The following NRXN3 variants were observed in gnomAD, a reference collection of about 807,000 sequenced individuals.
NRXN3 encodes the protein neurexin 3.
A neutral mutation model predicts 137.6 loss-of-function variants in NRXN3; 32 were observed. The observed-to-expected ratio is 0.23, with a 90% CI of 0.18 to 0.31. The LOEUF (loss-of-function observed/expected upper bound fraction) is 0.31. NRXN3 is among the 10% of genes least tolerant of loss of function. The pLI is 1.00. For synonymous variants in NRXN3, 798 were observed against 784.5 expected (o/e 1.02, Z -0.29); for missense variants, 1,574 against 2,062.5 (o/e 0.76, Z 4.59).
At chr14:79,486,878 C>A (rs2153648893) in intron 16 of NRXN3, among the ~76,000 whole-genome samples, 1 of 150,448 alleles carries the variant, frequency 6.6e-6, no homozygotes, top group Middle Eastern at 3.5e-3. Flanking sequence ...AATCTCTACT[C>A]TTTTGTGTCC....
rs906201319 is a variant in NRXN3, at chr14:78,783,896, A to G, written c.2045-19724A>G. On this transcript the variant is annotated intron_variant, in intron 8 of 20. Transcript: ENST00000335750. ...AGGTAGCACTCAGGATAGGCTTCATAGAGAAGACGATGCTCAAAGATTTCT... is the reference window on the plus strand; with the variant it reads ...AGGTAGCACTCAGGATAGGCTTCATGGAGAAGACGATGCTCAAAGATTTCT... Among the ~76,000 whole-genome samples the G allele has an allele frequency of 3.3e-5, 5 of 152,240 alleles. No individual in the cohort carries two copies. In the East Asian group the frequency reaches 9.7e-4, roughly 29 times the overall value.
chr14:78,879,688 G>C (rs1003826356), intron 10 of NRXN3, among the ~76,000 whole-genome samples: 1 of 152,152 alleles, frequency 6.6e-6, no homozygotes, highest in Non-Finnish European at 1.5e-5. Context: ...TTAATTCCCT[G>C]TCCTAATTCC....
rs143583534 is a variant in NRXN3, at chr14:79,318,036, G to T, written c.3263-149185G>T. On this transcript the variant is annotated intron_variant, in intron 15 of 20. Coordinates refer to ENST00000335750, the MANE Select transcript of NRXN3 (RefSeq NM_001330195.2). ...CCCCAATTCAAGTTAGACTGGGCAA[G>T]AAATGAGATTATTTAGGCAAAAAAA... Among the ~76,000 whole-genome samples the T allele has an allele frequency of 2.8e-3, 426 of 152,234 alleles. 2 individuals are homozygous for T. The highest frequency in any genetic ancestry group is 9.1e-3 in the African/African-American group (379 of 41,540).
chr14:79,234,853 G>A (rs2073094356), intron 15 of NRXN3, among the ~76,000 whole-genome samples: 1 of 151,772 alleles, frequency 6.6e-6, no homozygotes, highest in African/African-American at 2.4e-5. Context: ...TCCAGCTCCT[G>A]GGAACACAAT....
At chr14:79,307,138 A>G (rs1027608781) in intron 15 of NRXN3, among the ~76,000 whole-genome samples, 5 of 152,138 alleles carry the variant, frequency 3.3e-5, no homozygotes, top group African/African-American at 1.2e-4. Context: ...AAGCCTAAGA[A>G]TGATCTTATT....
At chr14:79,434,886 C>T (rs994030784) in intron 15 of NRXN3, among the ~76,000 whole-genome samples, 4 of 152,280 alleles carry the variant, frequency 2.6e-5, no homozygotes, top group East Asian at 1.9e-4. Flanking sequence ...TTGTACCTCC[C>T]GTGCCCATCC....
At chr14:79,541,661 G>A in intron 16 of NRXN3, among the ~76,000 whole-genome samples, 1 of 152,184 alleles carries the variant, frequency 6.6e-6, no homozygotes, top group East Asian at 1.9e-4. Context: ...TGAGTCTCAA[G>A]AGACACAAGA....
At chr14:79,740,081 CTTGT>C (rs1347455796) in intron 19 of NRXN3, among the ~76,000 whole-genome samples, 1 of 152,130 alleles carries the variant, frequency 6.6e-6, no homozygotes, top group Non-Finnish European at 1.5e-5. Flanking sequence ...CTTCCTTTTC[CTTGT>C]TTGAGTTAGT....
At chr14:79,521,397 A>C (rs2097062653) in intron 16 of NRXN3, among the ~76,000 whole-genome samples, 1 of 152,060 alleles carries the variant, frequency 6.6e-6, no homozygotes, top group South Asian at 2.1e-4. Flanking sequence ...AATATACCAC[A>C]CTCAGGGCTT....
chr14:79,428,053 A>G (rs1262628759), intron 15 of NRXN3, among the ~76,000 whole-genome samples: 1 of 151,984 alleles, frequency 6.6e-6, no homozygotes, highest in Non-Finnish European at 1.5e-5. Flanking sequence ...ATGCAAATAC[A>G]TAACAATTTA....
intron 15 of NRXN3, among the ~76,000 whole-genome samples, chr14:79,345,812 C>A (rs1057417310): frequency 1.3e-5 from 2 of 152,196 alleles, no homozygotes; most frequent in South Asian, 4.1e-4. Context: ...TCACCAGAAG[C>A]TGAGCAAATG....
chr14:78,516,885 A>T (rs2096216143), intron 4 of NRXN3, among the ~76,000 whole-genome samples: 1 of 152,200 alleles, frequency 6.6e-6, no homozygotes, highest in African/African-American at 2.4e-5. Flanking sequence ...TGAACTGGGA[A>T]CCAGGAGACC....
chr14:79,810,996 T>G (rs530431118), intron 20 of NRXN3, among the ~76,000 whole-genome samples: 1 of 152,352 alleles, frequency 6.6e-6, no homozygotes, highest in East Asian at 1.9e-4. Context: ...GCAACCTGTA[T>G]GTTTTTATTA....
At chr14:79,074,989 G>A (rs1433992042) in intron 15 of NRXN3, among the ~76,000 whole-genome samples, 1 of 152,146 alleles carries the variant, frequency 6.6e-6, no homozygotes, top group Non-Finnish European at 1.5e-5. Context: ...ACTTAAGTTT[G>A]CAAATTGTTG....
chr14:78,355,128 TC>T (rs774833704), intron 4 of NRXN3, among the ~76,000 whole-genome samples: 1 of 152,230 alleles, frequency 6.6e-6, no homozygotes, highest in Non-Finnish European at 1.5e-5. Flanking sequence ...CTAATTGGTT[TC>T]CTCATGTCCT....
At chr14:79,823,831 A>T in intron 20 of NRXN3, 1 of 368,686 alleles carries the variant, frequency 2.7e-6, no homozygotes, top group Non-Finnish European at 6.0e-6. Context: ...AAAGATGATG[A>T]TGATGATGAT....
chr14:79,238,459 C>T (rs1474171670), intron 15 of NRXN3, among the ~76,000 whole-genome samples: 1 of 151,888 alleles, frequency 6.6e-6, no homozygotes, highest in Non-Finnish European at 1.5e-5. Context: ...GGAGAGAAGG[C>T]GAACCTGAAA....
intron 15 of NRXN3, among the ~76,000 whole-genome samples, chr14:79,462,176 C>G (rs903153866): frequency 1.3e-5 from 2 of 151,778 alleles, no homozygotes; most frequent in African/African-American, 4.8e-5. Context: ...GAGTTCGAGA[C>G]CAGCCTGACC....
At chr14:79,003,778 T>C (rs72685473) in intron 15 of NRXN3, among the ~76,000 whole-genome samples, 7,558 of 152,246 alleles carry the variant, frequency 0.05, 268 homozygotes, top group Non-Finnish European at 0.08. Flanking sequence ...ACACCCTCCC[T>C]GTTACTCAGG....
Sources: allele counts gnomAD v4.1 joint callset (sites outside exome capture counted in the v4.1 genomes callset), GRCh38; gene constraint gnomAD v4.1.1; transcripts MANE v1.5; gene names NCBI Gene and HGNC (gene_info 2026-07-23, HGNC 2026-07-21).